The following LRRC8C variants were observed in gnomAD, a reference collection of about 807,000 sequenced individuals.
LRRC8C encodes volume-regulated anion channel subunit LRRC8C.
A neutral mutation model predicts 55.3 loss-of-function variants in LRRC8C; 20 were observed. That is an observed-to-expected ratio of 0.36 (90% CI 0.25 to 0.53). The LOEUF is 0.53. LRRC8C is among the 20% of genes least tolerant of loss of function. The pLI, the probability that LRRC8C is intolerant of heterozygous loss-of-function variation, is 0.92. For missense variants in LRRC8C, 659 were observed against 951.4 expected, an observed-to-expected ratio of 0.69 and a Z score of 4.04; for synonymous variants, 376 against 360.7, an observed-to-expected ratio of 1.04 and a Z score of -0.48.
rs555207985 is a variant in LRRC8C, at chr1:89,662,273, T to C, written c.-4-24197T>C. 6.1e-4 allele frequency among the ~76,000 whole-genome samples: 93 copies of C among 152,326 alleles called. 1 individual carries two copies. In the South Asian group the frequency reaches 0.019, roughly 31 times the overall value. ...TCTGCAGGCCACAGATTGGACAAGC[T>C]TGTGCTAGAAGGCCCAGTGTGGCTG... On this transcript the variant is annotated intron_variant, in intron 1 of 2. Coordinates refer to ENST00000370454, the MANE Select transcript of LRRC8C (RefSeq NM_032270.5).
At chr1:89,624,869 T>A in the LRRC8C span, 1 of 152,256 alleles carries the variant, frequency 6.6e-6, no homozygotes, top group Non-Finnish European at 1.5e-5. Flanking sequence ...CAAGCATTTT[T>A]AATACAGGAC....
At chr1:89,650,505 A>AAG (rs1656733449) in intron 1 of LRRC8C, among the ~76,000 whole-genome samples, 1 of 152,022 alleles carries the variant, frequency 6.6e-6, no homozygotes, top group East Asian at 1.9e-4. Flanking sequence ...GTAAAAAAAA[A>AAG]AAGGTATATT....
Position 89,716,563 on chromosome 1 carries a change from T to G in LRRC8C, c.*1581T>G, listed in dbSNP as rs564642623. 1 of 152,308 alleles carries G rather than the reference T, an allele frequency of 6.6e-6. No individual in the cohort carries two copies. The highest frequency in any genetic ancestry group is 2.1e-4 in the South Asian group (1 of 4,832). The allele number at this position is 152,308 out of a possible 1,614,324, so 9.4% of individuals were successfully genotyped here. A position where few individuals can be genotyped will look rare whatever the true frequency, so the allele number is the denominator to read the frequency against. Reference sequence around the variant, plus strand: ...TAGCATGGGCTCTTGGGCAAAATATTTCACTGACTATTAAGCATGTAGAAC... The same window carrying G: ...TAGCATGGGCTCTTGGGCAAAATATGTCACTGACTATTAAGCATGTAGAAC... On this transcript the variant is annotated 3_prime_UTR_variant, in exon 3 of 3. Transcript: ENST00000370454.
In LRRC8C at chr1:89,684,930, A is replaced by C. The variant is rs560899854; in HGVS notation, c.-4-1540A>C. 3.3e-5 allele frequency among the ~76,000 whole-genome samples: 5 copies of C among 152,320 alleles called. No individual in the cohort carries two copies. In the South Asian group the frequency reaches 1.0e-3, roughly 32 times the overall value. Reference sequence around the variant, plus strand: ...GTAGGTCAGAGAGGAGAACATCGCCAGGCCGTTGAAATTTTCAACACTGTG... The same window carrying C: ...GTAGGTCAGAGAGGAGAACATCGCCCGGCCGTTGAAATTTTCAACACTGTG... On this transcript the variant is annotated intron_variant, in intron 1 of 2. Transcript: ENST00000370454.
At chr1:89,627,702 T>C in the LRRC8C span, among the ~76,000 whole-genome samples, 1 of 152,162 alleles carries the variant, frequency 6.6e-6, no homozygotes, top group Admixed American at 6.5e-5. Context: ...AAATCCCAAC[T>C]CTTCTACTCA....
At chr1:89,707,766 T>A (rs756610405) in intron 2 of LRRC8C, among the ~76,000 whole-genome samples, 1 of 152,080 alleles carries the variant, frequency 6.6e-6, no homozygotes, top group Non-Finnish European at 1.5e-5. Context: ...ACCTGCTGTA[T>A]GGCTTGACCT....
At chr1:89,636,493 A>G (rs971616600) in intron 1 of LRRC8C, among the ~76,000 whole-genome samples, 1 of 152,132 alleles carries the variant, frequency 6.6e-6, no homozygotes, top group Non-Finnish European at 1.5e-5. Flanking sequence ...TTACTTTACT[A>G]ACAATATGTT....
chr1:89,690,032 T>C (rs561368395), intron 2 of LRRC8C, among the ~76,000 whole-genome samples: 4 of 152,246 alleles, frequency 2.6e-5, no homozygotes, highest in African/African-American at 7.2e-5. Context: ...GTTTGTGATA[T>C]ATGTTAAACA....
intron 1 of LRRC8C, among the ~76,000 whole-genome samples, chr1:89,681,432 A>G (rs1206806348): frequency 1.3e-5 from 2 of 152,234 alleles, no homozygotes; most frequent in Non-Finnish European, 2.9e-5. Flanking sequence ...GCCTTGTAAT[A>G]TGTTAATTCA....
intron 1 of LRRC8C, among the ~76,000 whole-genome samples, chr1:89,646,916 A>G (rs1489801079): frequency 6.6e-6 from 1 of 152,212 alleles, no homozygotes; most frequent in Non-Finnish European, 1.5e-5. Context: ...ACATGAAGAT[A>G]TGTAAAATTT....
chr1:89,628,787 G>C (rs1656037278), upstream of LRRC8C, among the ~76,000 whole-genome samples: 1 of 152,226 alleles, frequency 6.6e-6, no homozygotes, highest in Non-Finnish European at 1.5e-5. Context: ...GAAAGGGAAG[G>C]GAGGGAGAAG....
chr1:89,652,123 G>A (rs1394345192), intron 1 of LRRC8C, among the ~76,000 whole-genome samples: 1 of 152,162 alleles, frequency 6.6e-6, no homozygotes, highest in Non-Finnish European at 1.5e-5. Context: ...AAAACTGTAG[G>A]AATCTTTTGA....
At chr1:89,711,734 A>G (rs905818418) in intron 2 of LRRC8C, among the ~76,000 whole-genome samples, 2 of 152,218 alleles carry the variant, frequency 1.3e-5, no homozygotes, top group African/African-American at 4.8e-5. Context: ...ATTCTTTTCA[A>G]CAAACTGAAA....
chr1:89,620,902 C>A, the LRRC8C span, among the ~76,000 whole-genome samples: 1 of 152,192 alleles, frequency 6.6e-6, no homozygotes, highest in African/African-American at 2.4e-5. Context: ...AAGACCATGA[C>A]GACTCCTCAT....
At chr1:89,635,793 G>A (rs1381502320) in intron 1 of LRRC8C, among the ~76,000 whole-genome samples, 2 of 152,112 alleles carry the variant, frequency 1.3e-5, no homozygotes, top group African/African-American at 2.4e-5. Flanking sequence ...TAACCTTATG[G>A]ACAATTTACT....
intron 1 of LRRC8C, among the ~76,000 whole-genome samples, chr1:89,636,512 G>A (rs1234353194): frequency 2.0e-5 from 3 of 151,842 alleles, no homozygotes; most frequent in Non-Finnish European, 2.9e-5. Context: ...TTGATGGATC[G>A]GAATTTGTAT....
chr1:89,659,964 G>A (rs1366010840), intron 1 of LRRC8C, among the ~76,000 whole-genome samples: 1 of 152,144 alleles, frequency 6.6e-6, no homozygotes, highest in Non-Finnish European at 1.5e-5. Context: ...AGAGCAAGTA[G>A]GAAAGTGTTG....
rs768955208 is a variant in LRRC8C at position 89,714,825 on chromosome 1, T to A, written c.2255T>A (p.Leu752Gln). The change falls in exon 3 of 3, where the codon CTA (leucine) becomes CAA (glutamine). Residue 752 changes from leucine (L) to glutamine (Q), a missense_variant. Leu to Gln is a moderately radical substitution (Grantham distance 113). Coordinates refer to ENST00000370454, the MANE Select transcript of LRRC8C (RefSeq NM_032270.5). The surrounding 1 kb of genome is among the most constrained non-coding windows in gnomAD (Gnocchi z 4.6). ...SVLSPKIGNL[L>Q]FLSYLDVKGN... ...CTTTCACCGAAAATTGGAAATTTGC[T>A]ATTTCTTTCCTACTTAGATGTAAAA... is the stretch of plus-strand genomic sequence containing the variant. 24 of 1,614,004 alleles carry A rather than the reference T, an allele frequency of 1.5e-5. No individual in the cohort carries two copies. In the South Asian group the frequency reaches 2.2e-4, roughly 15 times the overall value.
At chr1:89,673,796 A>G (rs1657482135) in intron 1 of LRRC8C, among the ~76,000 whole-genome samples, 1 of 152,218 alleles carries the variant, frequency 6.6e-6, no homozygotes, top group Non-Finnish European at 1.5e-5. Flanking sequence ...TAAATCCAAG[A>G]GCACAAATGA....
Sources: gnomAD v4.1 joint callset for allele counts (sites outside exome capture counted in the v4.1 genomes callset) on GRCh38, gnomAD v4.1.1 for gene constraint, Gnocchi (gnomAD v3.1) non-coding constraint, MANE v1.5 for transcripts, NCBI Gene and HGNC (gene_info 2026-07-23, HGNC 2026-07-21) for gene names.